Variants in GSE1 observed in about 807,000 individuals in gnomAD.
The protein encoded by GSE1 is Gse1 coiled-coil protein, also known as genetic suppressor element 1.
A neutral mutation model predicts 112.6 loss-of-function variants in GSE1; 32 were observed. That is an observed-to-expected ratio of 0.28 (90% confidence interval 0.21 to 0.38). GSE1 has a LOEUF of 0.38. Ranked by LOEUF, GSE1 falls within the 10% of genes least tolerant of loss-of-function variation. GSE1 has a pLI of 1.00. For synonymous variants in GSE1, 1,115 were observed against 735.6 expected (o/e 1.52, Z -8.35); for missense variants, 2,348 against 1,699.2 (o/e 1.38, Z -6.71).
rs887999434 is a variant in GSE1, at chr16:85,419,255, C to T, written c.2464+61612C>T. On this transcript the variant is annotated intron_variant, in intron 2 of 2. Coordinates refer to the GSE1 transcript ENST00000637419. The surrounding 1 kb of genome is among the most constrained non-coding windows in gnomAD (Gnocchi z 6.5). ...GGGCCCTGCCCTTACAAAAGGTTCA[C>T]CTCATAGAGGGCGCTAGAGGCCACC... Among the ~76,000 whole-genome samples, 2 of 152,152 alleles carry T rather than the reference C, an allele frequency of 1.3e-5. No homozygotes were observed. Among genetic ancestry groups the T allele is most frequent in the African/African-American group, 4.8e-5 (2 of 41,440 alleles).
At chr16:85,475,185 C>T (rs574764479) in intron 2 of GSE1, among the ~76,000 whole-genome samples, 1 of 152,228 alleles carries the variant, frequency 6.6e-6, no homozygotes, top group African/African-American at 2.4e-5. Flanking sequence ...ATCTCCTTTC[C>T]TTCTCTTTCT....
intron 1 of GSE1, among the ~76,000 whole-genome samples, chr16:85,622,574 A>G (rs529872761): frequency 1.3e-5 from 2 of 152,210 alleles, no homozygotes; most frequent in South Asian, 4.1e-4. Context: ...TGTATGTAAC[A>G]TGCAGTAGGT....
intron 1 of GSE1, among the ~76,000 whole-genome samples, chr16:85,198,258 CAT>C (rs2074965982): frequency 6.6e-6 from 1 of 152,210 alleles, no homozygotes; most frequent in African/African-American, 2.4e-5. Context: ...AGACCGAAGT[CAT>C]GTGTTCCTGG....
intron 1 of GSE1, among the ~76,000 whole-genome samples, chr16:85,575,166 T>C (rs1371795404): frequency 1.3e-5 from 2 of 152,140 alleles, no homozygotes; most frequent in Non-Finnish European, 2.9e-5. Flanking sequence ...CACGCACAGT[T>C]TGAAGAAATA....
intron 1 of GSE1, among the ~76,000 whole-genome samples, chr16:85,236,023 C>CGGCTGGGGCTGG (rs1056844271): frequency 2.1e-4 from 28 of 134,390 alleles, no homozygotes; most frequent in East Asian, 1.9e-3. Flanking sequence ...CCTGGGGCTG[C>CGGCTGGGGCTGG]GGCTGGGGCT....
chr16:85,512,752 G>T (rs1246354561), intron 2 of GSE1, among the ~76,000 whole-genome samples: 3 of 152,118 alleles, frequency 2.0e-5, no homozygotes, highest in Non-Finnish European at 4.4e-5. Context: ...GGGAGCGGTG[G>T]GGGCTGATTA....
chr16:85,448,753 C>T (rs1178453976), intron 2 of GSE1, among the ~76,000 whole-genome samples: 1 of 152,226 alleles, frequency 6.6e-6, no homozygotes, highest in Non-Finnish European at 1.5e-5. Context: ...GGCCCTGCAA[C>T]CCGGGGCAGG....
intron 2 of GSE1, among the ~76,000 whole-genome samples, chr16:85,378,811 A>G (rs1003047046): frequency 3.3e-5 from 5 of 151,746 alleles, no homozygotes; most frequent in Non-Finnish European, 2.9e-5. Context: ...CCTTGTGGCT[A>G]CCCCCGTGCT....
chr16:85,375,348 A>C (rs548690993), intron 2 of GSE1, among the ~76,000 whole-genome samples: 3 of 152,248 alleles, frequency 2.0e-5, no homozygotes, highest in Non-Finnish European at 4.4e-5. Flanking sequence ...GGGGCAATGC[A>C]GGAGTCTCAG....
intron 1 of GSE1, among the ~76,000 whole-genome samples, chr16:85,619,367 C>T (rs776846597): frequency 6.6e-6 from 1 of 151,356 alleles, no homozygotes; most frequent in African/African-American, 2.4e-5. Flanking sequence ...TTAAGCCGTC[C>T]CGAAGGAAAA....
At chr16:85,346,757 C>G (rs1298437157) in intron 1 of GSE1, among the ~76,000 whole-genome samples, 3 of 139,672 alleles carry the variant, frequency 2.1e-5, no homozygotes, top group Non-Finnish European at 4.6e-5. Context: ...GGATGGTGGG[C>G]AGGTGGGTGG....
At chr16:85,548,242 AAAAAGAAAGAAAG>A (rs1254486579) in intron 2 of GSE1, among the ~76,000 whole-genome samples, 5 of 147,346 alleles carry the variant, frequency 3.4e-5, no homozygotes, top group African/African-American at 1.2e-4. Context: ...AAAAAAAAAA[AAAAAGAAAGAAAG>A]AAAGAAAGAA....
rs190829192 is a variant in GSE1 at position 85,300,132 on chromosome 16, C to T, written c.2284-57331C>T. Among the ~76,000 whole-genome samples the T allele has an allele frequency of 5.6e-3, 855 of 152,164 alleles. 8 individuals are homozygous for T. Among genetic ancestry groups the T allele is most frequent in the African/African-American group, 0.02 (816 of 41,520 alleles). On this transcript the variant is annotated intron_variant, in intron 1 of 2. Coordinates refer to the GSE1 transcript ENST00000637419. Reference sequence around the variant, plus strand: ...GTTCAAGTGATTCTCCTGCCTCAGCCTCCCGAGTAGCTGGGATTACAGGCA... The same window carrying T: ...GTTCAAGTGATTCTCCTGCCTCAGCTTCCCGAGTAGCTGGGATTACAGGCA...
chr16:85,589,405 C>T (rs2046867961), intron 1 of GSE1, among the ~76,000 whole-genome samples: 1 of 151,930 alleles, frequency 6.6e-6, no homozygotes, highest in Non-Finnish European at 1.5e-5. Flanking sequence ...AGGGCCTGGG[C>T]TGGGTGGGAG....
chr16:85,603,708 T>C (rs2047565583), intron 1 of GSE1, among the ~76,000 whole-genome samples: 1 of 152,182 alleles, frequency 6.6e-6, no homozygotes, highest in South Asian at 2.1e-4. Flanking sequence ...AGTTTCACTA[T>C]ATTGCCTGAG....
At chr16:85,664,210 G>A (rs959212336) in intron 11 of GSE1, among the ~76,000 whole-genome samples, 25 of 152,244 alleles carry the variant, frequency 1.6e-4, no homozygotes, top group Admixed American at 1.0e-3. Context: ...GGCCTGCAGC[G>A]CAGGCTGGCT....
intron 1 of GSE1, among the ~76,000 whole-genome samples, chr16:85,337,154 C>G (rs1490581753): frequency 1.3e-5 from 2 of 152,212 alleles, no homozygotes; most frequent in Non-Finnish European, 2.9e-5. Context: ...CCACTGTGTC[C>G]CCCATCACAC....
chr16:85,644,499 T>A (rs1213032287), intron 2 of GSE1, among the ~76,000 whole-genome samples: 1 of 151,862 alleles, frequency 6.6e-6, no homozygotes, highest in African/African-American at 2.4e-5. Context: ...AAGGAGAGAT[T>A]CTCTTAGGTG....
intron 1 of GSE1, among the ~76,000 whole-genome samples, chr16:85,344,458 C>T (rs1597446074): frequency 6.6e-6 from 1 of 152,196 alleles, no homozygotes; most frequent in Admixed American, 6.5e-5. Flanking sequence ...TGAGAGCTGC[C>T]CTCCTGAGAA....
Sources: gnomAD v4.1 joint callset for allele counts (sites outside exome capture counted in the v4.1 genomes callset) on GRCh38, gnomAD v4.1.1 for gene constraint, Gnocchi (gnomAD v3.1) non-coding constraint, MANE v1.5 for transcripts, NCBI Gene and HGNC (gene_info 2026-07-23, HGNC 2026-07-21) for gene names.